The following VPS53 variants were observed in gnomAD, a reference collection of about 807,000 sequenced individuals.
VPS53 encodes vacuolar protein sorting-associated protein 53 homolog.
VPS53 carries 70 observed loss-of-function variants against 107.0 expected under a neutral mutation model. The ratio of observed to expected loss-of-function variants is 0.65; its 90% CI spans 0.54 to 0.80. The LOEUF is 0.80. Among genes scored for constraint, VPS53 ranks in the 30% least tolerant of loss-of-function variants. The probability of loss-of-function intolerance (pLI) is 0.00; values close to 1 mark genes in which losing one functional copy is unlikely to be tolerated. For missense variants in VPS53, 917 were observed against 1,049.4 expected, an observed-to-expected ratio of 0.87 and a Z score of 1.74; for synonymous variants, 409 against 393.3, an observed-to-expected ratio of 1.04 and a Z score of -0.47.
At chr17:708,232 T>C (rs1056515316) in intron 2 of VPS53, among the ~76,000 whole-genome samples, 10 of 152,144 alleles carry the variant, frequency 6.6e-5, no homozygotes, top group African/African-American at 2.4e-4. Flanking sequence ...CTGCTATTTA[T>C]TGTATACAAG....
At chr17:606,398 T>C (rs1968580182) in intron 11 of VPS53, among the ~76,000 whole-genome samples, 1 of 152,102 alleles carries the variant, frequency 6.6e-6, no homozygotes, top group Non-Finnish European at 1.5e-5. Context: ...TGTGAAGGGA[T>C]AGGAATACCT....
At chr17:534,355 C>T (rs1253999591) in intron 18 of VPS53, among the ~76,000 whole-genome samples, 2 of 152,166 alleles carry the variant, frequency 1.3e-5, no homozygotes, top group African/African-American at 4.8e-5. Flanking sequence ...ACAGGAAAGG[C>T]TGCTATTGCT....
intron 5 of VPS53, among the ~76,000 whole-genome samples, chr17:657,775 G>A (rs1163714836): frequency 1.3e-5 from 2 of 152,216 alleles, no homozygotes; most frequent in African/African-American, 4.8e-5. Context: ...AAACTTGGCC[G>A]TGAGTTTGTG....
rs374116155 is a variant in VPS53, at chr17:533,264, G to A, written c.2016-353C>T. Among the ~76,000 whole-genome samples the A allele has an allele frequency of 5.9e-5, 9 of 152,258 alleles. No homozygotes were observed. In the South Asian group the frequency reaches 8.3e-4, roughly 14 times the overall value. On this transcript the variant is annotated intron_variant, in intron 18 of 21. Coordinates refer to ENST00000437048, the MANE Select transcript of VPS53 (RefSeq NM_001128159.3). ...ACTGGATGTAAGGGCTACAGGCACC[G>A]CACCTGGCTACTTTTTAATTTTTTT...
chr17:586,482 A>C (rs1967325650), intron 12 of VPS53, 118 bp from the exon 13 acceptor site: 2 of 937,044 alleles, frequency 2.1e-6, no homozygotes, highest in Non-Finnish European at 3.2e-6. Flanking sequence ...AGAGTACTCA[A>C]TGTAACCCAA....
In VPS53 at chr17:513,786, TC is replaced by T. The variant is rs1908105361; in HGVS notation, c.*5341del. 7.3e-6 allele frequency: 1 copy of T among 137,508 alleles called. No individual in the cohort carries two copies. The highest frequency in any genetic ancestry group is 2.7e-5 in the African/African-American group (1 of 37,092). The allele number at this position is 137,508 out of a possible 1,614,324, so 8.5% of individuals were successfully genotyped here. A position where few individuals can be genotyped will look rare whatever the true frequency, so the allele number is the denominator to read the frequency against. Reference sequence around the variant, plus strand: ...AGGAATCCCATTTCCAGCAGGTTATTCCGAGTGCTCTTCCTAGCGAAGGAAT... The same window carrying T: ...AGGAATCCCATTTCCAGCAGGTTATTCGAGTGCTCTTCCTAGCGAAGGAAT... On this transcript the variant is annotated 3_prime_UTR_variant, in exon 22 of 22. Coordinates refer to ENST00000437048, the MANE Select transcript of VPS53 (RefSeq NM_001128159.3).
At chr17:621,558 C>A (rs975379148) in intron 11 of VPS53, among the ~76,000 whole-genome samples, 12 of 152,198 alleles carry the variant, frequency 7.9e-5, no homozygotes, top group African/African-American at 2.9e-4. Context: ...CCCTAAAATC[C>A]TGTACTGTTA....
intron 13 of VPS53, among the ~76,000 whole-genome samples, chr17:584,275 C>A (rs1431504878): frequency 6.6e-6 from 1 of 152,188 alleles, no homozygotes; most frequent in Non-Finnish European, 1.5e-5. Flanking sequence ...CCAAAACCTG[C>A]CTTCCAACGT....
At chr17:559,854 C>A (rs1405428579) in intron 15 of VPS53, among the ~76,000 whole-genome samples, 1 of 152,236 alleles carries the variant, frequency 6.6e-6, no homozygotes, top group African/African-American at 2.4e-5. Flanking sequence ...GGTCTTCCTT[C>A]TGCTCCATCA....
intron 11 of VPS53, among the ~76,000 whole-genome samples, chr17:608,237 G>A (rs1347637219): frequency 6.6e-6 from 1 of 152,110 alleles, no homozygotes; most frequent in East Asian, 1.9e-4. Context: ...CAACAGTTAT[G>A]TACAGACTTC....
At position 656,700 on chromosome 17, in the gene VPS53, A is replaced by ATGTGTGTGTGTGTGTGTGTGTG. The variant is rs34123743; in HGVS notation, c.373-769_373-748dup. The ATGTGTGTGTGTGTGTGTGTGTG allele has an allele frequency of 1.5e-4, 84 of 554,658 alleles. 1 individual carries two copies. Among genetic ancestry groups the ATGTGTGTGTGTGTGTGTGTGTG allele is most frequent in the African/African-American group, 1.4e-3 (72 of 52,122 alleles). The allele number at this position is 554,658 out of a possible 1,614,324, so 34.4% of individuals were successfully genotyped here. A position where few individuals can be genotyped will look rare whatever the true frequency, so the allele number is the denominator to read the frequency against. ...TTTCTTGGTCCATGCTGACTAAGAA[A>ATGTGTGTGTGTGTGTGTGTGTG]TGTGTGTGTGTGTGTGTGTGTGTGT... On this transcript the variant is annotated intron_variant, in intron 5 of 21. Coordinates refer to ENST00000437048, the MANE Select transcript of VPS53 (RefSeq NM_001128159.3).
chr17:653,268 C>T (rs200215211), intron 7 of VPS53, 23 bp downstream of exon 7: 1 of 1,611,914 alleles, frequency 6.2e-7, no homozygotes, highest in Non-Finnish European at 8.5e-7. Flanking sequence ...TCCCCATATA[C>T]TTTCCCTCTG....
Position 580,380 on chromosome 17 carries a change from T to C in VPS53, c.1313+5890A>G, listed in dbSNP as rs530516950. Among the ~76,000 whole-genome samples, 5 of 136,856 alleles carry C rather than the reference T, an allele frequency of 3.7e-5. No individual in the cohort carries two copies. In the East Asian group the frequency reaches 1.2e-3, roughly 33 times the overall value. The allele number at this position is 136,856 out of a possible 152,430, so 89.8% of individuals were successfully genotyped here. A position where few individuals can be genotyped will look rare whatever the true frequency, so the allele number is the denominator to read the frequency against. On this transcript the variant is annotated intron_variant, in intron 13 of 21. Transcript: ENST00000437048. ...CAATCTCAGTGAATTCCCAGAGAAC[T>C]TCCCTCAGGACCTCAATCTGTTCCC...
intron 7 of VPS53, among the ~76,000 whole-genome samples, chr17:644,460 G>C (rs1440332230): frequency 6.6e-6 from 1 of 152,172 alleles, no homozygotes; most frequent in East Asian, 1.9e-4. Flanking sequence ...AAATTCACCA[G>C]AAAGGATGCT....
intron 13 of VPS53, among the ~76,000 whole-genome samples, chr17:566,196 T>C (rs1597311484): frequency 3.4e-5 from 4 of 116,376 alleles, no homozygotes; most frequent in Admixed American, 1.0e-4. Flanking sequence ...AGAGCGAGAC[T>C]CCGTCTCAAA....
At chr17:706,302 G>A (rs1567754315) in intron 2 of VPS53, among the ~76,000 whole-genome samples, 1 of 152,102 alleles carries the variant, frequency 6.6e-6, no homozygotes, top group Non-Finnish European at 1.5e-5. Context: ...ACTTTGGGAG[G>A]TCAAGGTGGG....
chr17:676,608 T>C (rs73976850), intron 4 of VPS53, among the ~76,000 whole-genome samples: 3,872 of 152,290 alleles, frequency 0.025, 62 homozygotes, highest in East Asian at 0.069. Context: ...TTGACCTTCT[T>C]TCTTGGCTCC....
chr17:637,744 C>A (rs150016020), intron 7 of VPS53, among the ~76,000 whole-genome samples: 11 of 152,106 alleles, frequency 7.2e-5, no homozygotes, highest in African/African-American at 2.7e-4. Context: ...AGTTTCTTAA[C>A]CCTGAGCTCT....
chr17:712,027 A>T (rs1402660463), intron 1 of VPS53, among the ~76,000 whole-genome samples: 1 of 152,026 alleles, frequency 6.6e-6, no homozygotes, highest in Non-Finnish European at 1.5e-5. Flanking sequence ...CGTGTTGGCC[A>T]GGATGGTCTC....
Sources: allele counts gnomAD v4.1 joint callset (sites outside exome capture counted in the v4.1 genomes callset), GRCh38; gene constraint gnomAD v4.1.1; transcripts MANE v1.5; gene names NCBI Gene and HGNC (gene_info 2026-07-23, HGNC 2026-07-21).